EPB41L5: variants seen among roughly 807,000 people sequenced by gnomAD.
The protein encoded by EPB41L5 is band 4.1-like protein 5.
EPB41L5 carries 55 observed loss-of-function variants against 106.6 expected under a neutral mutation model. The ratio of observed to expected loss-of-function variants is 0.52; its 90% CI spans 0.42 to 0.65. EPB41L5 has a LOEUF of 0.65. EPB41L5 is among the 30% of genes least tolerant of loss of function. The pLI is 0.00. For synonymous variants in EPB41L5, 297 were observed against 306.7 expected, an observed-to-expected ratio of 0.97 and a Z score of 0.33; for missense variants, 871 against 882.1, an observed-to-expected ratio of 0.99 and a Z score of 0.16.
intron 16 of EPB41L5, among the ~76,000 whole-genome samples, chr2:120,112,683 G>A (rs1478850331): frequency 6.6e-6 from 1 of 152,196 alleles, no homozygotes; most frequent in African/African-American, 2.4e-5. Flanking sequence ...TAAGTGCAAG[G>A]TGTAGTCCAG....
intron 19 of EPB41L5, among the ~76,000 whole-genome samples, chr2:120,144,977 A>G (rs1686336110): frequency 1.3e-5 from 2 of 152,230 alleles, no homozygotes; most frequent in Non-Finnish European, 2.9e-5. Context: ...AAACTAGCAA[A>G]AGAATGAAAC....
chr2:120,114,534 A>G (rs994509211), intron 16 of EPB41L5, among the ~76,000 whole-genome samples: 2 of 152,142 alleles, frequency 1.3e-5, no homozygotes, highest in Non-Finnish European at 2.9e-5. Flanking sequence ...TGCATTTTCA[A>G]TTTACATTAT....
At chr2:120,057,580 G>A (rs527418284) in intron 3 of EPB41L5, among the ~76,000 whole-genome samples, 1 of 151,482 alleles carries the variant, frequency 6.6e-6, no homozygotes, top group Admixed American at 6.6e-5. Flanking sequence ...GTATAAATCT[G>A]TGAGTTTTTC....
At chr2:120,112,863 A>C (rs1412723346) in intron 16 of EPB41L5, among the ~76,000 whole-genome samples, 1 of 152,210 alleles carries the variant, frequency 6.6e-6, no homozygotes, top group Non-Finnish European at 1.5e-5. Flanking sequence ...TCTATAAGGT[A>C]TTCAGGCTAG....
At chr2:120,165,680 T>G (rs1012062125) in intron 22 of EPB41L5, among the ~76,000 whole-genome samples, 2 of 152,072 alleles carry the variant, frequency 1.3e-5, no homozygotes, top group African/African-American at 4.8e-5. Context: ...TAGAAATGAC[T>G]AACTTTGCTG....
chr2:120,033,209 G>C (rs1678829871), intron 2 of EPB41L5, among the ~76,000 whole-genome samples: 1 of 152,142 alleles, frequency 6.6e-6, no homozygotes, highest in South Asian at 2.1e-4. Context: ...TTCTGGGTTA[G>C]AATCAGAAAT....
chr2:120,112,118 C>G (rs1684753436), intron 16 of EPB41L5, among the ~76,000 whole-genome samples: 1 of 152,122 alleles, frequency 6.6e-6, no homozygotes, highest in South Asian at 2.1e-4. Context: ...CCTTACCCTG[C>G]TTTATTTTTT....
intron 14 of EPB41L5, among the ~76,000 whole-genome samples, chr2:120,099,618 A>G (rs527426138): frequency 1.3e-5 from 2 of 152,050 alleles, no homozygotes; most frequent in East Asian, 3.9e-4. Context: ...TAGTAGAGAC[A>G]GGGTTTCACC....
intron 1 of EPB41L5, among the ~76,000 whole-genome samples, chr2:120,015,943 C>CTGTATTGTA (rs1033669457): frequency 2.0e-5 from 3 of 149,754 alleles, no homozygotes; most frequent in Admixed American, 6.7e-5. Context: ...AATAAAACAA[C>CTGTATTGTA]TGTATTGTAT....
intron 16 of EPB41L5, among the ~76,000 whole-genome samples, chr2:120,109,341 T>C (rs11675553): frequency 6.6e-6 from 1 of 152,272 alleles, no homozygotes; most frequent in African/African-American, 2.4e-5. Flanking sequence ...GGGCTGACTT[T>C]CTCCTCTTAC....
chr2:120,029,220 A>G (rs1380819443), intron 2 of EPB41L5, among the ~76,000 whole-genome samples: 2 of 152,128 alleles, frequency 1.3e-5, no homozygotes, highest in Non-Finnish European at 2.9e-5. Context: ...GTTGGAGTGC[A>G]GTGACATGAT....
intron 18 of EPB41L5, among the ~76,000 whole-genome samples, chr2:120,134,290 A>T (rs1685827440): frequency 6.6e-6 from 1 of 152,036 alleles, no homozygotes; most frequent in Admixed American, 6.6e-5. Flanking sequence ...TACTGAGTAG[A>T]TTCCTACAGT....
intron 5 of EPB41L5, 76 bp downstream of exon 5, chr2:120,074,254 TATAGCC>T: frequency 9.2e-7 from 1 of 1,086,612 alleles, no homozygotes; most frequent in Non-Finnish European, 1.3e-6. Flanking sequence ...GTTTCCAATT[TATAGCC>T]AGCTAATAAA....
intron 2 of EPB41L5, among the ~76,000 whole-genome samples, chr2:120,025,386 G>C (rs1269904112): frequency 6.7e-6 from 1 of 150,120 alleles, no homozygotes; most frequent in Non-Finnish European, 1.5e-5. Context: ...TTTTTTTCTT[G>C]CTTTCCATTT....
At chr2:120,053,434 A>C (rs1233171372) in intron 3 of EPB41L5, among the ~76,000 whole-genome samples, 2 of 152,216 alleles carry the variant, frequency 1.3e-5, no homozygotes, top group South Asian at 2.1e-4. Flanking sequence ...TTCAGCCATC[A>C]TCACTAATTC....
intron 3 of EPB41L5, among the ~76,000 whole-genome samples, chr2:120,064,916 C>T (rs1026590983): frequency 6.6e-6 from 1 of 152,124 alleles, no homozygotes; most frequent in African/African-American, 2.4e-5. Flanking sequence ...TGAACCCAGA[C>T]CTTTCCCAGA....
intron 14 of EPB41L5, among the ~76,000 whole-genome samples, chr2:120,095,681 T>G (rs540022267): frequency 1.3e-5 from 2 of 152,236 alleles, no homozygotes; most frequent in Non-Finnish European, 2.9e-5. Context: ...TTAATTAATT[T>G]TTTTTGAGAC....
At chr2:120,163,093 A>C (rs1472534869) in intron 21 of EPB41L5, among the ~76,000 whole-genome samples, 2 of 152,196 alleles carry the variant, frequency 1.3e-5, no homozygotes, top group African/African-American at 4.8e-5. Context: ...CTCTACAAAA[A>C]ATTTTTTAAA....
chr2:120,053,389 T>C (rs746318848), intron 3 of EPB41L5, among the ~76,000 whole-genome samples: 2 of 152,216 alleles, frequency 1.3e-5, no homozygotes, highest in African/African-American at 2.4e-5. Context: ...CATTTTAGAT[T>C]GTACAATTCA....
Sources: gnomAD v4.1 joint callset for allele counts (sites outside exome capture counted in the v4.1 genomes callset) on GRCh38, gnomAD v4.1.1 for gene constraint, MANE v1.5 for transcripts, NCBI Gene and HGNC (gene_info 2026-07-23, HGNC 2026-07-21) for gene names.